Variants in RBKS observed in about 807,000 individuals in gnomAD.
RBKS encodes the protein ribokinase.
In RBKS, 33 loss-of-function variants were observed where a neutral mutation model predicts 33.9. The observed-to-expected ratio is 0.97, with a 90% CI of 0.74 to 1.30. RBKS has a LOEUF of 1.30. Among genes scored for constraint, RBKS ranks in the 50% most tolerant of loss-of-function variants. The pLI is 0.00. For missense variants in RBKS, 361 were observed against 392.6 expected (o/e 0.92, Z 0.68); for synonymous variants, 125 against 143.0 (o/e 0.87, Z 0.90).
intron 7 of RBKS, among the ~76,000 whole-genome samples, chr2:27,812,624 G>T (rs768365770): frequency 1.4e-4 from 22 of 152,050 alleles, no homozygotes; most frequent in Admixed American, 1.2e-3. Flanking sequence ...ACCAAACACC[G>T]CATGTTCTCA....
At chr2:27,784,415 T>G (rs1221458318) in intron 7 of RBKS, among the ~76,000 whole-genome samples, 1 of 152,232 alleles carries the variant, frequency 6.6e-6, no homozygotes, top group Non-Finnish European at 1.5e-5. Flanking sequence ...TCACAGTTGA[T>G]GTATTTAATG....
At position 27,795,595 on chromosome 2, in the gene RBKS, G is replaced by A. The variant is rs1279181507; in HGVS notation, c.796-13807C>T. 2.6e-5 allele frequency among the ~76,000 whole-genome samples: 4 copies of A among 152,060 alleles called. No homozygotes were observed. The highest frequency in any genetic ancestry group is 3.4e-3 in the Middle Eastern group (1 of 294). On this transcript the variant is annotated intron_variant, in intron 7 of 7. Coordinates refer to ENST00000302188, the MANE Select transcript of RBKS (RefSeq NM_022128.3). The surrounding 1 kb of genome is among the most constrained non-coding windows in gnomAD (Gnocchi z 4.1). ...CTTCACACTGACCCTGCACTCCCCC[G>A]CCACTGAAACTTGAGGGAATTGAGT... is the stretch of plus-strand genomic sequence containing the variant.
chr2:27,815,773 G>C (rs1166229388), intron 7 of RBKS, among the ~76,000 whole-genome samples: 1 of 152,168 alleles, frequency 6.6e-6, no homozygotes, highest in Non-Finnish European at 1.5e-5. Flanking sequence ...GGGTAAGCAA[G>C]CTCCCATAAC....
chr2:27,870,647 C>T (rs898728449), intron 1 of RBKS: 1 of 371,164 alleles, frequency 2.7e-6, no homozygotes, highest in South Asian at 2.0e-5. Context: ...CATTTTTTGG[C>T]TAGCCAGCAT....
At position 27,801,464 on chromosome 2, in the gene RBKS, T is replaced by TACACACACACACACAC. The variant is rs56063622; in HGVS notation, c.796-19692_796-19677dup. ...AAATGCTCTCCAAAGGGCCACAGTA[T>TACACACACACACACAC]ACACACACACACACACACACACACA... On this transcript the variant is annotated intron_variant, in intron 7 of 7. Transcript: ENST00000302188. 3.2e-4 allele frequency among the ~76,000 whole-genome samples: 43 copies of TACACACACACACACAC among 136,334 alleles called. 1 individual carries two copies. Among genetic ancestry groups the TACACACACACACACAC allele is most frequent in the South Asian group, 1.0e-3 (4 of 3,978 alleles). 89.4% of individuals were successfully genotyped at this position (136,334 alleles called of 152,430 possible). A position where few individuals can be genotyped will look rare whatever the true frequency, so the allele number is the denominator to read the frequency against.
chr2:27,805,598 T>C (rs1677881106), intron 7 of RBKS, among the ~76,000 whole-genome samples: 2 of 152,144 alleles, frequency 1.3e-5, no homozygotes, highest in Admixed American at 1.3e-4. Context: ...TTTTTGAGAC[T>C]GAGTCTCACT....
At chr2:27,827,873 A>G (rs1304703360) in intron 6 of RBKS, 118 bp from the exon 7 acceptor site, 10 of 779,802 alleles carry the variant, frequency 1.3e-5, no homozygotes, top group African/African-American at 1.8e-5. Context: ...ATGCAATGGG[A>G]ACCTTGATAG....
intron 1 of RBKS, among the ~76,000 whole-genome samples, chr2:27,862,997 C>G (rs1296836662): frequency 2.3e-5 from 3 of 130,296 alleles, no homozygotes; most frequent in Admixed American, 8.1e-5. Context: ...ATGATTTGTT[C>G]TAATTAAAAA....
At chr2:27,829,347 A>G (rs1678377119) in intron 6 of RBKS, among the ~76,000 whole-genome samples, 1 of 143,836 alleles carries the variant, frequency 7.0e-6, no homozygotes, top group Admixed American at 7.0e-5. Context: ...CACCTGGTTG[A>G]TCCCTGCTTT....
In RBKS at chr2:27,858,510, A is replaced by G. The variant is rs771777684; in HGVS notation, c.151T>C (p.Phe51Leu). ...CACTGGTTGGCACCTTTCCCTCCAA[A>G]GCCAATAAAAAACTTATGTCCATGG... ...TIHGHKFFIG[F>L]GGKGANQCVQ... is the part of the protein sequence containing the mutation. Residue 51 changes from phenylalanine (F) to leucine (L), a missense_variant, in exon 2 of 8, where the codon TTT becomes CTT. By Grantham distance (22) the Phe-to-Leu change is conservative. Coordinates refer to ENST00000302188, the MANE Select transcript of RBKS (RefSeq NM_022128.3). 2 of 1,613,982 alleles carry G rather than the reference A, an allele frequency of 1.2e-6. No individual in the cohort carries two copies. Among genetic ancestry groups the G allele is most frequent in the Non-Finnish European group, 1.7e-6 (2 of 1,179,992 alleles).
At chr2:27,863,082 T>C (rs1285167404) in intron 1 of RBKS, among the ~76,000 whole-genome samples, 1 of 151,980 alleles carries the variant, frequency 6.6e-6, no homozygotes, top group East Asian at 1.9e-4. Context: ...GAAACAGTAT[T>C]AGTAGAAATA....
chr2:27,810,417 T>C lies in RBKS; in HGVS notation c.795+17150A>G, dbSNP rs1213959282. Among the ~76,000 whole-genome samples, 1 of 152,162 alleles carries C rather than the reference T, an allele frequency of 6.6e-6. No homozygotes were observed. The highest frequency in any genetic ancestry group is 1.5e-5 in the Non-Finnish European group (1 of 68,024). Reference sequence around the variant, plus strand: ...TCATTCATTCCCTAGAAGGCAGGCATACTGGATGGAAGGGCATTTACCGGA... The same window carrying C: ...TCATTCATTCCCTAGAAGGCAGGCACACTGGATGGAAGGGCATTTACCGGA... On this transcript the variant is annotated intron_variant, in intron 7 of 7. Coordinates refer to ENST00000302188, the MANE Select transcript of RBKS (RefSeq NM_022128.3). This position sits in a 1 kb window ranked among gnomAD's most constrained non-coding sequence, Gnocchi z 4.4.
chr2:27,820,419 A>G (rs1317693114), intron 7 of RBKS, among the ~76,000 whole-genome samples: 2 of 152,208 alleles, frequency 1.3e-5, no homozygotes, highest in African/African-American at 2.4e-5. Flanking sequence ...CCCTTCTCCT[A>G]TTGATGATTA....
rs368783885 is a variant in RBKS at position 27,787,870 on chromosome 2, G to GTA, written c.796-6084_796-6083dup. ...GCAAATTAAATAAATATATGTGTGT[G>GTA]TATATATATATATAAAATATCTGAT... is the stretch of plus-strand genomic sequence containing the variant. On this transcript the variant is annotated intron_variant, in intron 7 of 7. Transcript: ENST00000302188. Among the ~76,000 whole-genome samples the GTA allele has an allele frequency of 5.4e-4, 81 of 151,154 alleles. No homozygotes were observed. The East Asian group carries it at 6.8e-3, about 13-fold the overall frequency.
Position 27,843,234 on chromosome 2 carries a change from A to G in RBKS, c.350-3T>C, listed in dbSNP as rs1228620017. The stretch of plus-strand genomic sequence containing the variant: ...CACTATGACAATGATATTCTGGCCT[A>G]TAAAGAAATTCCACCTATTATATTA... On this transcript the variant is annotated splice_region_variant and splice_polypyrimidine_tract_variant and intron_variant, in intron 4 of 7. Coordinates refer to ENST00000302188, the MANE Select transcript of RBKS (RefSeq NM_022128.3). The G allele has an allele frequency of 1.9e-6, 3 of 1,597,510 alleles. No individual in the cohort carries two copies. The highest frequency in any genetic ancestry group is 2.6e-6 in the Non-Finnish European group (3 of 1,172,286).
chr2:27,792,212 C>A (rs1677543630), intron 7 of RBKS, among the ~76,000 whole-genome samples: 1 of 152,214 alleles, frequency 6.6e-6, no homozygotes, highest in Non-Finnish European at 1.5e-5. Flanking sequence ...CTCTGCTCTT[C>A]CAGTCTAAAG....
chr2:27,809,208 G>A (rs567424854), intron 7 of RBKS, among the ~76,000 whole-genome samples: 2 of 152,352 alleles, frequency 1.3e-5, no homozygotes, highest in Admixed American at 6.5e-5. Context: ...CCCTGAGAGT[G>A]GGCTTGGGCC....
intron 2 of RBKS, among the ~76,000 whole-genome samples, chr2:27,857,652 T>A (rs1345616543): frequency 6.6e-6 from 1 of 152,228 alleles, no homozygotes; most frequent in South Asian, 2.1e-4. Flanking sequence ...AGGTGACTCA[T>A]GCTGTTGTTT....
At position 27,858,592 on chromosome 2, in the gene RBKS, A is replaced by G. The variant is rs748966093; in HGVS notation, c.90-21T>C. On this transcript the variant is annotated intron_variant, in intron 1 of 7. Coordinates refer to ENST00000302188, the MANE Select transcript of RBKS (RefSeq NM_022128.3). ...TAAGACTATTGTAATTTAAAAAGAG[A>G]AGAAAAAAGCATATTGGTAACTGTA... The G allele has an allele frequency of 3.7e-6, 6 of 1,606,288 alleles. No individual in the cohort carries two copies. The African/African-American group carries it at 5.4e-5, about 14-fold the overall frequency.
Sources: allele counts gnomAD v4.1 joint callset (sites outside exome capture counted in the v4.1 genomes callset), GRCh38; gene constraint gnomAD v4.1.1; non-coding constraint Gnocchi (gnomAD v3.1); transcripts MANE v1.5; gene names NCBI Gene and HGNC (gene_info 2026-07-23, HGNC 2026-07-21).